The following CDH18 variants were observed in gnomAD, a reference collection of about 807,000 sequenced individuals.
The protein encoded by CDH18 is cadherin-18.
In CDH18, 31 loss-of-function variants were observed where a neutral mutation model predicts 67.9. That is an observed-to-expected ratio of 0.46 (90% confidence interval 0.34 to 0.62). CDH18 has a LOEUF of 0.62. CDH18 is among the 20% of genes least tolerant of loss of function. The probability of loss-of-function intolerance (pLI) is 0.01; values close to 1 mark genes in which losing one functional copy is unlikely to be tolerated. For missense variants in CDH18, 890 were observed against 975.5 expected, an observed-to-expected ratio of 0.91 and a Z score of 1.17; for synonymous variants, 362 against 347.2, an observed-to-expected ratio of 1.04 and a Z score of -0.48.
At chr5:20,552,309 T>G (rs1448662971) in intron 1 of CDH18, among the ~76,000 whole-genome samples, 1 of 152,054 alleles carries the variant, frequency 6.6e-6, no homozygotes, top group Non-Finnish European at 1.5e-5. Flanking sequence ...AAACCTCGTC[T>G]CTACTAAAAA....
chr5:19,769,437 A>G (rs1040931218), intron 3 of CDH18, among the ~76,000 whole-genome samples: 1 of 152,122 alleles, frequency 6.6e-6, no homozygotes, highest in Non-Finnish European at 1.5e-5. Context: ...ACTAAAGTTC[A>G]ATATCTAGCA....
chr5:19,595,232 A>C (rs1261809953), intron 6 of CDH18, among the ~76,000 whole-genome samples: 1 of 152,200 alleles, frequency 6.6e-6, no homozygotes, highest in African/African-American at 2.4e-5. Flanking sequence ...AGGAAGTGAA[A>C]GTCTCATGCA....
chr5:19,581,990 T>A (rs556177610), intron 7 of CDH18, among the ~76,000 whole-genome samples: 4 of 152,176 alleles, frequency 2.6e-5, no homozygotes, highest in African/African-American at 9.6e-5. Context: ...AAGAAAGTAA[T>A]TCTTATTCAT....
chr5:20,572,517 G>C (rs556809017), intron 1 of CDH18, among the ~76,000 whole-genome samples: 3 of 152,210 alleles, frequency 2.0e-5, no homozygotes, highest in East Asian at 1.9e-4. Context: ...CAGTAAGTTT[G>C]AAAAGCATAG....
intron 1 of CDH18, among the ~76,000 whole-genome samples, chr5:20,376,369 T>C (rs1380892078): frequency 2.0e-5 from 3 of 151,628 alleles, no homozygotes; most frequent in Non-Finnish European, 4.4e-5. Flanking sequence ...ATTACAGGCG[T>C]GAGCCACCGC....
intron 2 of CDH18, among the ~76,000 whole-genome samples, chr5:19,882,235 T>C (rs1787735848): frequency 6.6e-6 from 1 of 152,184 alleles, no homozygotes; most frequent in Non-Finnish European, 1.5e-5. Flanking sequence ...TGTGATTCTT[T>C]GATTCTGTGT....
intron 2 of CDH18, among the ~76,000 whole-genome samples, chr5:20,023,656 C>T (rs945889884): frequency 2.7e-5 from 1 of 36,378 alleles, no homozygotes; most frequent in Non-Finnish European, 5.3e-5. Context: ...GAGACTCCGT[C>T]TCAAAAAAAA....
At chr5:19,502,736 T>G (rs1221944962) in intron 11 of CDH18, 1 of 479,830 alleles carries the variant, frequency 2.1e-6, no homozygotes, top group Non-Finnish European at 3.6e-6. Context: ...AAGATTTCTC[T>G]TAAAATTTGC....
chr5:19,546,942 TAAA>T (rs966090086), intron 8 of CDH18, among the ~76,000 whole-genome samples: 1 of 152,014 alleles, frequency 6.6e-6, no homozygotes, highest in African/African-American at 2.4e-5. Context: ...AAGTTTAACA[TAAA>T]AAAGAAATTT....
At chr5:20,340,976 AC>A (rs1282878931) in intron 1 of CDH18, among the ~76,000 whole-genome samples, 1 of 152,086 alleles carries the variant, frequency 6.6e-6, no homozygotes, top group African/African-American at 2.4e-5. Flanking sequence ...CAGAGCAAAC[AC>A]TTTGTCTTCC....
At position 20,502,128 on chromosome 5, in the gene CDH18, ATTGC is replaced by A. The variant is rs1044927860; in HGVS notation, c.-580+73330_-580+73333del. On this transcript the variant is annotated intron_variant, in intron 1 of 14. Coordinates refer to the CDH18 transcript ENST00000507958. ...ATTACTAAATCTAGCTTTAGATTAG[ATTGC>A]TTATCTTGCAGAAGACAGTATTTTT... Among the ~76,000 whole-genome samples, 104 of 152,190 alleles carry A rather than the reference ATTGC, an allele frequency of 6.8e-4. 1 individual carries two copies. The highest frequency in any genetic ancestry group is 2.5e-3 in the African/African-American group (103 of 41,542).
At chr5:19,626,371 C>T (rs1273469697) in intron 5 of CDH18, among the ~76,000 whole-genome samples, 2 of 152,132 alleles carry the variant, frequency 1.3e-5, no homozygotes, top group Non-Finnish European at 2.9e-5. Flanking sequence ...GAACACAACG[C>T]CAGAGAAAAC....
intron 2 of CDH18, among the ~76,000 whole-genome samples, chr5:20,052,106 G>C (rs1331039825): frequency 6.6e-6 from 1 of 152,104 alleles, no homozygotes; most frequent in Non-Finnish European, 1.5e-5. Flanking sequence ...CATGGGCCAT[G>C]CCCAAATCTC....
intron 3 of CDH18, among the ~76,000 whole-genome samples, chr5:19,750,150 G>A (rs1770646230): frequency 6.6e-6 from 1 of 152,038 alleles, no homozygotes; most frequent in African/African-American, 2.4e-5. Flanking sequence ...GGAAACCATT[G>A]TAGTAGTTAT....
At chr5:19,706,338 A>C (rs1763956001) in intron 5 of CDH18, among the ~76,000 whole-genome samples, 1 of 152,232 alleles carries the variant, frequency 6.6e-6, no homozygotes. Context: ...ATCTAATGCC[A>C]GACACTTTCG....
chr5:19,666,072 A>G (rs1033898846), intron 5 of CDH18, among the ~76,000 whole-genome samples: 1 of 151,536 alleles, frequency 6.6e-6, no homozygotes, highest in African/African-American at 2.4e-5. Context: ...TACAGAAAAT[A>G]AAATGTATTT....
intron 2 of CDH18, among the ~76,000 whole-genome samples, chr5:20,087,255 A>T (rs1745041707): frequency 6.6e-6 from 1 of 152,152 alleles, no homozygotes; most frequent in African/African-American, 2.4e-5. Context: ...GGAGTTGCAT[A>T]ACATGGAAAA....
chr5:20,015,741 T>C (rs983576400), intron 2 of CDH18, among the ~76,000 whole-genome samples: 2 of 152,126 alleles, frequency 1.3e-5, no homozygotes, highest in Admixed American at 6.6e-5. Flanking sequence ...CCAGTATGCA[T>C]GGCAGATGAT....
intron 1 of CDH18, among the ~76,000 whole-genome samples, chr5:20,544,800 C>T (rs1757251667): frequency 6.6e-6 from 1 of 152,108 alleles, no homozygotes; most frequent in Non-Finnish European, 1.5e-5. Flanking sequence ...AATATCATGC[C>T]CTTTTCACAT....
Sources: allele counts gnomAD v4.1 joint callset (sites outside exome capture counted in the v4.1 genomes callset), GRCh38; gene constraint gnomAD v4.1.1; transcripts MANE v1.5; gene names NCBI Gene and HGNC (gene_info 2026-07-23, HGNC 2026-07-21).